The following AGBL1 variants were observed in gnomAD, a reference collection of about 807,000 sequenced individuals.
The protein encoded by AGBL1 is AGBL carboxypeptidase 1.
In AGBL1, 130 loss-of-function variants were observed where a neutral mutation model predicts 118.9. The ratio of observed to expected loss-of-function variants is 1.09; its 90% CI spans 0.95 to 1.26. The LOEUF (loss-of-function observed/expected upper bound fraction) is 1.26, where lower values mean the gene tolerates loss of function less well. Ranked by LOEUF, AGBL1 falls within the 50% of genes most tolerant of loss-of-function variation. The pLI, the probability that AGBL1 is intolerant of heterozygous loss-of-function variation, is 0.00. For missense variants in AGBL1, 1,584 were observed against 1,298.1 expected (o/e 1.22, Z -3.38); for synonymous variants, 555 against 478.9 (o/e 1.16, Z -2.08).
intron 21 of AGBL1, among the ~76,000 whole-genome samples, chr15:86,669,069 TA>T (rs1343953634): frequency 6.6e-6 from 1 of 152,010 alleles, no homozygotes; most frequent in Non-Finnish European, 1.5e-5. Context: ...AAAAGAGCGC[TA>T]ACACCAATCT....
intron 23 of AGBL1, among the ~76,000 whole-genome samples, chr15:86,981,182 T>C (rs574791593): frequency 3.9e-5 from 6 of 152,332 alleles, no homozygotes; most frequent in Non-Finnish European, 8.8e-5. Flanking sequence ...CTTATAAGTA[T>C]ACTTTTGTTC....
Position 86,513,032 on chromosome 15 carries a change from A to T in AGBL1, c.2556-9778A>T, listed in dbSNP as rs1313732602. ...TAATAGTATAAAAATATTCCTGCAT[A>T]TCTTTCACCCAGCTTACCTAAATGC... On this transcript the variant is annotated intron_variant, in intron 18 of 22. Coordinates refer to ENST00000614907, the MANE Select transcript of AGBL1 (RefSeq NM_001386094.1). Among the ~76,000 whole-genome samples, 6 of 151,856 alleles carry T rather than the reference A, an allele frequency of 4.0e-5. No homozygotes were observed. In the South Asian group the frequency reaches 1.0e-3, roughly 26 times the overall value.
intron 22 of AGBL1, among the ~76,000 whole-genome samples, chr15:86,718,199 G>C (rs934143488): frequency 6.6e-6 from 1 of 152,174 alleles, no homozygotes; most frequent in South Asian, 2.1e-4. Context: ...TCGCTGCCCA[G>C]CTAGAAAACC....
At chr15:86,512,547 ATGAGT>A (rs1291243824) in intron 18 of AGBL1, among the ~76,000 whole-genome samples, 4 of 151,784 alleles carry the variant, frequency 2.6e-5, no homozygotes, top group Admixed American at 2.6e-4. Flanking sequence ...TAGATTTCCA[ATGAGT>A]TTCTTTTTCT....
intron 22 of AGBL1, among the ~76,000 whole-genome samples, chr15:86,762,386 ACCCCCTG>A (rs1210463417): frequency 2.0e-5 from 3 of 151,858 alleles, no homozygotes; most frequent in African/African-American, 2.4e-5. Context: ...AATAAAAAAT[ACCCCCTG>A]CCCCCTGCAA....
chr15:86,195,787 T>C (rs1381504426), intron 5 of AGBL1, among the ~76,000 whole-genome samples: 1 of 152,234 alleles, frequency 6.6e-6, no homozygotes, highest in Non-Finnish European at 1.5e-5. Context: ...CTATGCAAGA[T>C]TTTAAAAGTC....
rs574918752 is a variant in AGBL1, at chr15:86,719,591, A to G, written c.3158+45155A>G. Among the ~76,000 whole-genome samples the G allele has an allele frequency of 3.1e-3, 477 of 152,124 alleles. 2 individuals are homozygous for G. Among genetic ancestry groups the G allele is most frequent in the African/African-American group, 0.011 (467 of 41,528 alleles). ...ATCACTAGGGGTCATTCATTCAGTC[A>G]TCCTATCCTCCCTCCCTTCCCTTTT... On this transcript the variant is annotated intron_variant, in intron 22 of 22. Transcript: ENST00000614907.
chr15:86,319,575 A>G (rs2080071187), intron 17 of AGBL1, among the ~76,000 whole-genome samples: 1 of 151,822 alleles, frequency 6.6e-6, no homozygotes, highest in Admixed American at 6.6e-5. Flanking sequence ...TTCTGACGTA[A>G]ATCATGTTTT....
intron 16 of AGBL1, among the ~76,000 whole-genome samples, chr15:86,289,316 T>C (rs2079507634): frequency 6.6e-6 from 1 of 152,168 alleles, no homozygotes; most frequent in Non-Finnish European, 1.5e-5. Context: ...TCTTATGCAA[T>C]GTGGACCATC....
At chr15:86,878,887 C>G (rs1204190319) in intron 22 of AGBL1, among the ~76,000 whole-genome samples, 3 of 152,242 alleles carry the variant, frequency 2.0e-5, no homozygotes, top group Non-Finnish European at 4.4e-5. Context: ...GTTGGAGGAA[C>G]AGCCACTGGG....
Position 86,619,053 on chromosome 15 carries a change from C to T in AGBL1, c.2995-55220C>T, listed in dbSNP as rs376844975. Among the ~76,000 whole-genome samples the T allele has an allele frequency of 5.5e-4, 83 of 151,962 alleles. 2 individuals are homozygous for T. The East Asian group carries it at 0.012, about 22-fold the overall frequency. On this transcript the variant is annotated intron_variant, in intron 21 of 22. Transcript: ENST00000614907. ...TTCGTAGGCCCTTCTGTAATGAGGA[C>T]CCTCAGGGGTCTGTGGCCAGAGTGC... is the stretch of plus-strand genomic sequence containing the variant.
At chr15:86,370,698 C>G (rs944085363) in intron 17 of AGBL1, among the ~76,000 whole-genome samples, 4 of 152,224 alleles carry the variant, frequency 2.6e-5, no homozygotes, top group African/African-American at 7.2e-5. Context: ...CTTATCTGCT[C>G]TCATGGCACA....
chr15:86,359,493 T>G (rs2080772399), intron 17 of AGBL1, among the ~76,000 whole-genome samples: 1 of 151,284 alleles, frequency 6.6e-6, no homozygotes, highest in Admixed American at 6.6e-5. Context: ...CAACTTTTCA[T>G]TTGTTTGTTT....
chr15:86,161,133 A>C (rs4887335), intron 5 of AGBL1, among the ~76,000 whole-genome samples: 14,094 of 152,208 alleles, frequency 0.093, 840 homozygotes, highest in East Asian at 0.24. Flanking sequence ...CCCAATCACA[A>C]AAGGAGCCTT....
intron 17 of AGBL1, among the ~76,000 whole-genome samples, chr15:86,303,405 T>C (rs952505679): frequency 2.6e-5 from 4 of 152,128 alleles, no homozygotes; most frequent in African/African-American, 9.7e-5. Flanking sequence ...CCTTGGTGAC[T>C]GGCTGAGAGT....
intron 22 of AGBL1, among the ~76,000 whole-genome samples, chr15:86,879,624 T>C (rs2079862613): frequency 6.6e-6 from 1 of 152,162 alleles, no homozygotes. Flanking sequence ...TCCCAAAAAC[T>C]AATTATGTAA....
intron 17 of AGBL1, among the ~76,000 whole-genome samples, chr15:86,362,875 G>A (rs2080827309): frequency 6.6e-6 from 1 of 152,220 alleles, no homozygotes; most frequent in Admixed American, 6.5e-5. Flanking sequence ...GACTGCTTCT[G>A]GACTGGCAGG....
chr15:86,972,604 T>C (rs532932218), intron 23 of AGBL1, among the ~76,000 whole-genome samples: 1 of 152,180 alleles, frequency 6.6e-6, no homozygotes. Flanking sequence ...ACTGAGCTTT[T>C]GGCCAGATAC....
At chr15:87,008,418 C>T (rs570176956) in intron 24 of AGBL1, among the ~76,000 whole-genome samples, 12 of 152,302 alleles carry the variant, frequency 7.9e-5, no homozygotes, top group East Asian at 3.9e-4. Context: ...CCTTGCCTTC[C>T]GCCATGATTG....
Sources: gnomAD v4.1 joint callset for allele counts (sites outside exome capture counted in the v4.1 genomes callset) on GRCh38, gnomAD v4.1.1 for gene constraint, MANE v1.5 for transcripts, NCBI Gene and HGNC (gene_info 2026-07-23, HGNC 2026-07-21) for gene names.